The following KCNV2 variants were observed in gnomAD, a reference collection of about 807,000 sequenced individuals.
The protein encoded by KCNV2 is potassium voltage-gated channel subfamily V member 2.
Under a neutral mutation model 37.0 loss-of-function variants are expected in KCNV2, and 65 were observed. That is an observed-to-expected ratio of 1.76 (90% confidence interval 1.44 to 2.16). KCNV2 has a LOEUF of 2.16. KCNV2 is among the 30% of genes most tolerant of loss of function. The pLI, the probability that KCNV2 is intolerant of heterozygous loss-of-function variation, is 0.00. For synonymous variants in KCNV2, 518 were observed against 328.6 expected, an observed-to-expected ratio of 1.58 and a Z score of -6.23; for missense variants, 1,232 against 766.7, an observed-to-expected ratio of 1.61 and a Z score of -7.17.
At chr9:2,725,377 G>A (rs1819951983) in intron 1 of KCNV2, among the ~76,000 whole-genome samples, 1 of 152,098 alleles carries the variant, frequency 6.6e-6, no homozygotes, top group Admixed American at 6.6e-5. Flanking sequence ...TTCAGAGTTT[G>A]TGACACATCC....
intron 1 of KCNV2, among the ~76,000 whole-genome samples, chr9:2,727,664 C>A (rs565054937): frequency 3.3e-5 from 5 of 152,228 alleles, no homozygotes; most frequent in African/African-American, 1.2e-4. Context: ...GTCTTTGCCT[C>A]TTCTCAGTGG....
rs772682207 is a variant in KCNV2, at chr9:2,718,101, C to T, written c.362C>T (p.Thr121Met). 4.4e-6 allele frequency: 7 copies of T among 1,599,680 alleles called. No homozygotes were observed. In the East Asian group the frequency reaches 1.1e-4, roughly 26 times the overall value. Reference protein sequence around the residue: ...DYCELAGFPKTRLGRLATSTS... With the variant: ...DYCELAGFPKMRLGRLATSTS... Reference sequence around the variant, plus strand: ...TGCGAGCTGGCCGGCTTCCCCAAGACGCGCCTAGGTCGCCTGGCCACCTCC... The same window carrying T: ...TGCGAGCTGGCCGGCTTCCCCAAGATGCGCCTAGGTCGCCTGGCCACCTCC... Residue 121 changes from threonine to methionine, a missense_variant, in exon 1 of 2, where the codon ACG becomes ATG. Thr to Met is a moderately conservative substitution (Grantham distance 81). Transcript: ENST00000382082.
intron 1 of KCNV2, among the ~76,000 whole-genome samples, chr9:2,725,853 T>C (rs1204466091): frequency 1.3e-5 from 2 of 152,212 alleles, no homozygotes; most frequent in African/African-American, 4.8e-5. Context: ...ATTCTCAAGT[T>C]TTGGAGAAAA....
At position 2,718,376 on chromosome 9, in the gene KCNV2, C is replaced by A. The variant is rs747313869; in HGVS notation, c.637C>A (p.Arg213=). 3 of 1,599,638 alleles carry A rather than the reference C, an allele frequency of 1.9e-6. No homozygotes were observed. The highest frequency in any genetic ancestry group is 1.3e-5 in the African/African-American group (1 of 74,806). The part of the protein sequence containing the change: ...FEERRDELSE[R]LKIQHELRAQ... The stretch of plus-strand genomic sequence containing the variant: ...GGAGCGGCGCGACGAGCTGAGCGAA[C>A]GGCTCAAGATCCAGCACGAGCTGCG... The change falls in exon 1 of 2, where the codon CGG becomes AGG. Residue 213 remains arginine, a synonymous_variant. Coordinates refer to ENST00000382082, the MANE Select transcript of KCNV2 (RefSeq NM_133497.4).
chr9:2,718,844 G>A lies in KCNV2; in HGVS notation c.1105G>A (p.Val369Met), dbSNP rs778638987. 2.0e-5 allele frequency: 32 copies of A among 1,609,122 alleles called. No individual in the cohort carries two copies. Among genetic ancestry groups the A allele is most frequent in the African/African-American group, 4.0e-5 (3 of 74,944 alleles). Residue 369 changes from valine to methionine, a missense_variant, in exon 1 of 2, where the codon GTG becomes ATG. Coordinates refer to ENST00000382082, the MANE Select transcript of KCNV2 (RefSeq NM_133497.4). ...CCAACGCGGCCAGACGGTGGGCAGC[G>A]TGGGTAAGGTGGGTCAGGTGTTGCG... is the stretch of plus-strand genomic sequence containing the variant. ...GHQRGQTVGS[V>M]GKVGQVLRVM...
chr9:2,729,975 A>G lies in KCNV2; in HGVS notation c.*248A>G. ...TGATATTGAAAACCTGAGGGGAGCA[A>G]CAGCTTAGATTTTTCTTGTAGCTTC... On this transcript the variant is annotated 3_prime_UTR_variant, in exon 2 of 2. Coordinates refer to ENST00000382082, the MANE Select transcript of KCNV2 (RefSeq NM_133497.4). The G allele has an allele frequency of 2.1e-6, 1 of 485,702 alleles. No individual in the cohort carries two copies. The highest frequency in any genetic ancestry group is 3.4e-5 in the East Asian group (1 of 29,712). 30.1% of individuals were successfully genotyped at this position (485,702 alleles called of 1,614,324 possible).
intron 1 of KCNV2, among the ~76,000 whole-genome samples, chr9:2,722,325 T>G: frequency 7.2e-6 from 1 of 139,212 alleles, no homozygotes; most frequent in African/African-American, 2.8e-5. Flanking sequence ...ATAAATAAAT[T>G]AGAAGTTATT....
chr9:2,719,022 C>CT lies in KCNV2; in HGVS notation c.1284dup (p.Val429CysfsTer70), dbSNP rs1201213096. 1.2e-6 allele frequency: 2 copies of CT among 1,612,852 alleles called. No homozygotes were observed. The highest frequency in any genetic ancestry group is 2.7e-5 in the African/African-American group (2 of 74,962). On this transcript the variant is annotated frameshift_variant, in exon 1 of 2. Coordinates refer to ENST00000382082, the MANE Select transcript of KCNV2 (RefSeq NM_133497.4). LOFTEE classifies it high-confidence loss of function. ...ATGGGCATCTTCACTTTCTCTGCGG[C>CT]TGTCTACTCTGTGGAGCACGATGTG...
At chr9:2,722,707 A>G (rs1037145791) in intron 1 of KCNV2, among the ~76,000 whole-genome samples, 2 of 152,052 alleles carry the variant, frequency 1.3e-5, no homozygotes, top group Non-Finnish European at 1.5e-5. Context: ...TAAAACATCA[A>G]GCGTTTATTT....
At chr9:2,728,316 C>A (rs944162107) in intron 1 of KCNV2, among the ~76,000 whole-genome samples, 15 of 152,120 alleles carry the variant, frequency 9.9e-5, no homozygotes, top group Admixed American at 9.8e-4. Flanking sequence ...AAGAGTGCCC[C>A]CCTGGAGTAG....
At chr9:2,719,951 T>A (rs918237127) in intron 1 of KCNV2, among the ~76,000 whole-genome samples, 1 of 152,270 alleles carries the variant, frequency 6.6e-6, no homozygotes, top group Non-Finnish European at 1.5e-5. Context: ...ATATCTGTAT[T>A]TTGAGCTGTG....
At position 2,718,835 on chromosome 9, in the gene KCNV2, G is replaced by A; in HGVS notation, c.1096G>A (p.Val366Met). Residue 366 changes from valine to methionine, a missense_variant, in exon 1 of 2, where the codon GTG becomes ATG. By Grantham distance (21) the Val-to-Met change is conservative (BLOSUM62 1). Coordinates refer to ENST00000382082, the MANE Select transcript of KCNV2 (RefSeq NM_133497.4). The stretch of plus-strand genomic sequence containing the variant: ...CGAGGGCCACCAACGCGGCCAGACG[G>A]TGGGCAGCGTGGGTAAGGTGGGTCA... ...TGEGHQRGQT[V>M]GSVGKVGQVL... 1 of 1,609,510 alleles carries A rather than the reference G, an allele frequency of 6.2e-7. No homozygotes were observed. The highest frequency in any genetic ancestry group is 1.3e-5 in the African/African-American group (1 of 75,076).
chr9:2,723,583 CAT>C (rs1475171544), intron 1 of KCNV2, among the ~76,000 whole-genome samples: 3 of 152,198 alleles, frequency 2.0e-5, no homozygotes, highest in African/African-American at 4.8e-5. Flanking sequence ...TAATAGGAAA[CAT>C]ATGTAAACTG....
At chr9:2,724,903 T>C (rs1819945095) in intron 1 of KCNV2, among the ~76,000 whole-genome samples, 1 of 152,206 alleles carries the variant, frequency 6.6e-6, no homozygotes, top group Non-Finnish European at 1.5e-5. Flanking sequence ...CATATAAATA[T>C]CTGGCACAGA....
intron 1 of KCNV2, among the ~76,000 whole-genome samples, chr9:2,726,584 C>T (rs974600441): frequency 3.3e-5 from 5 of 152,116 alleles, no homozygotes; most frequent in African/African-American, 7.2e-5. Context: ...TTATTTTCTT[C>T]CTCAGTGTCT....
intron 1 of KCNV2, among the ~76,000 whole-genome samples, chr9:2,723,858 T>C (rs1325366455): frequency 6.6e-6 from 1 of 152,142 alleles, no homozygotes; most frequent in African/African-American, 2.4e-5. Flanking sequence ...GCTCTCTGGA[T>C]TGCCTGGGGG....
chr9:2,724,750 A>C (rs748116532), intron 1 of KCNV2, among the ~76,000 whole-genome samples: 11 of 152,254 alleles, frequency 7.2e-5, no homozygotes, highest in South Asian at 2.1e-4. Flanking sequence ...TTATGTCCTC[A>C]TACCATCTTC....
At position 2,729,502 on chromosome 9, in the gene KCNV2, G is replaced by A. The variant is rs552169822; in HGVS notation, c.1413G>A (p.Arg471=). The change falls in exon 2 of 2, where the codon AGG becomes AGA. Residue 471 remains arginine, a synonymous_variant. Coordinates refer to ENST00000382082, the MANE Select transcript of KCNV2 (RefSeq NM_133497.4). The part of the protein sequence containing the change: ...GDMYPETHLG[R]FFAFLCIAFG... ...TGTACCCAGAGACCCACCTGGGCAG[G>A]TTTTTTGCCTTCCTCTGCATTGCTT... The A allele has an allele frequency of 1.1e-5, 18 of 1,614,080 alleles. No individual in the cohort carries two copies. The African/African-American group carries it at 1.9e-4, about 17-fold the overall frequency.
rs75645675 is a variant in KCNV2 at position 2,718,802 on chromosome 9, T to G, written c.1063T>G (p.Phe355Val). ...PLYLQLLLECFTGEGHQRGQT... is the reference protein window; with the variant it reads ...PLYLQLLLECVTGEGHQRGQT... ...CTACCTTCAGCTGCTGCTCGAGTGC[T>G]TCACGGGCGAGGGCCACCAACGCGG... Residue 355 changes from phenylalanine (F) to valine (V), a missense_variant, in exon 1 of 2, where the codon TTC (phenylalanine) becomes GTC (valine). Physicochemically the swap from Phe to Val is conservative, Grantham distance 50 (BLOSUM62 -1). Transcript: ENST00000382082. The G allele has an allele frequency of 6.8e-6, 11 of 1,610,414 alleles. No individual in the cohort carries two copies. The African/African-American group carries it at 9.3e-5, about 14-fold the overall frequency.
Sources: gnomAD v4.1 joint callset for allele counts (sites outside exome capture counted in the v4.1 genomes callset) on GRCh38, gnomAD v4.1.1 for gene constraint, MANE v1.5 for transcripts, NCBI Gene and HGNC (gene_info 2026-07-23, HGNC 2026-07-21) for gene names.